Variants in CNTN4 observed in about 807,000 individuals in gnomAD.
CNTN4 encodes contactin 4, also known as contactin-4.
In CNTN4, 77 loss-of-function variants were observed where a neutral mutation model predicts 122.5. That is an observed-to-expected ratio of 0.63 (90% CI 0.52 to 0.76). The LOEUF (loss-of-function observed/expected upper bound fraction) is 0.76. Among genes scored for constraint, CNTN4 ranks in the 30% least tolerant of loss-of-function variants. The probability of loss-of-function intolerance (pLI) is 0.00; values close to 1 mark genes in which losing one functional copy is unlikely to be tolerated. For synonymous variants in CNTN4, 512 were observed against 447.0 expected (o/e 1.15, Z -1.83); for missense variants, 1,256 against 1,259.1 (o/e 1.00, Z 0.04).
intron 16 of CNTN4, 137 bp from the exon 17 acceptor site, chr3:3,034,495 C>T: frequency 1.0e-6 from 1 of 959,164 alleles, no homozygotes; most frequent in Non-Finnish European, 1.6e-6. Flanking sequence ...AGTAGGAGTT[C>T]AAAAAGGATT....
chr3:2,124,619 A>G (rs1467553921), intron 2 of CNTN4, among the ~76,000 whole-genome samples: 1 of 151,900 alleles, frequency 6.6e-6, no homozygotes, highest in African/African-American at 2.4e-5. Flanking sequence ...GACAACAACA[A>G]CAACAACATC....
intron 3 of CNTN4, among the ~76,000 whole-genome samples, chr3:2,561,216 G>C (rs908682872): frequency 1.3e-5 from 2 of 152,230 alleles, no homozygotes; most frequent in Admixed American, 1.3e-4. Flanking sequence ...GCCTGTTGCT[G>C]TCTGTATGTG....
At chr3:2,875,107 C>T (rs190081008) in intron 8 of CNTN4, among the ~76,000 whole-genome samples, 278 of 152,112 alleles carry the variant, frequency 1.8e-3, no homozygotes, top group African/African-American at 4.8e-3. Context: ...CCCAGCCTCC[C>T]GAGTAGCTGG....
intron 3 of CNTN4, among the ~76,000 whole-genome samples, chr3:2,433,189 T>C (rs1261484388): frequency 6.6e-6 from 1 of 152,170 alleles, no homozygotes; most frequent in Non-Finnish European, 1.5e-5. Context: ...ATATAGTAAT[T>C]CTATTTTTAG....
chr3:2,414,839 G>C (rs2047356631), intron 3 of CNTN4, among the ~76,000 whole-genome samples: 1 of 152,054 alleles, frequency 6.6e-6, no homozygotes, highest in African/African-American at 2.4e-5. Context: ...GAATATTTCA[G>C]ATCAATTATA....
chr3:2,474,919 T>G (rs2075796008), intron 3 of CNTN4, among the ~76,000 whole-genome samples: 1 of 152,204 alleles, frequency 6.6e-6, no homozygotes, highest in Non-Finnish European at 1.5e-5. Context: ...ATCATTTACT[T>G]AGAAACTCTC....
At chr3:2,863,566 A>G (rs2093692708) in intron 7 of CNTN4, among the ~76,000 whole-genome samples, 1 of 146,964 alleles carries the variant, frequency 6.8e-6, no homozygotes, top group Non-Finnish European at 1.5e-5. Context: ...TCTATTTAAT[A>G]TTAATGATTT....
rs183914685 is a variant in CNTN4 at position 2,540,231 on chromosome 3, G to C, written c.-88-31185G>C. On this transcript the variant is annotated intron_variant, in intron 3 of 24. Coordinates refer to ENST00000418658, the MANE Select transcript of CNTN4 (RefSeq NM_175607.3). ...CCTTTGGAAGTTTATTTCCTTTTGT[G>C]ATTAATAACAAACTTGAGGGTAGGT... is the stretch of plus-strand genomic sequence containing the variant. Among the ~76,000 whole-genome samples the C allele has an allele frequency of 2.8e-3, 424 of 152,076 alleles. 1 individual carries two copies. The highest frequency in any genetic ancestry group is 9.9e-3 in the African/African-American group (410 of 41,486).
intron 7 of CNTN4, among the ~76,000 whole-genome samples, chr3:2,850,063 C>G (rs951181142): frequency 1.3e-5 from 2 of 150,714 alleles, no homozygotes; most frequent in African/African-American, 4.9e-5. Context: ...AATCTCAGCT[C>G]ACTGCAAGCT....
At chr3:2,536,707 A>G (rs1190876831) in intron 3 of CNTN4, among the ~76,000 whole-genome samples, 4 of 151,862 alleles carry the variant, frequency 2.6e-5, no homozygotes, top group South Asian at 2.1e-4. Flanking sequence ...TACAGGCATG[A>G]GCCACAAGCC....
Position 2,797,896 on chromosome 3 carries a change from T to C in CNTN4, c.359-21590T>C, listed in dbSNP as rs530947005. Among the ~76,000 whole-genome samples the C allele has an allele frequency of 3.3e-4, 49 of 149,960 alleles. 1 individual carries two copies. Among genetic ancestry groups the C allele is most frequent in the Middle Eastern group, 3.5e-3 (1 of 288 alleles). On this transcript the variant is annotated intron_variant, in intron 6 of 24. Coordinates refer to ENST00000418658, the MANE Select transcript of CNTN4 (RefSeq NM_175607.3). Reference sequence around the variant, plus strand: ...TTTTATTTTTGTGCAGATACCTTACTACTGTTTGATGACCACACTGAGTAT... The same window carrying C: ...TTTTATTTTTGTGCAGATACCTTACCACTGTTTGATGACCACACTGAGTAT...
chr3:2,681,523 C>T (rs2085164973), intron 4 of CNTN4, among the ~76,000 whole-genome samples: 1 of 152,266 alleles, frequency 6.6e-6, no homozygotes, highest in African/African-American at 2.4e-5. Context: ...ATGCCACTCA[C>T]TGGCCTGCCT....
intron 2 of CNTN4, among the ~76,000 whole-genome samples, chr3:2,261,008 G>T (rs192173657): frequency 6.6e-6 from 1 of 152,226 alleles, no homozygotes; most frequent in East Asian, 1.9e-4. Context: ...TGTGATTACA[G>T]GTGTGAGACA....
intron 3 of CNTN4, among the ~76,000 whole-genome samples, chr3:2,522,613 G>T (rs1003376862): frequency 6.6e-6 from 1 of 152,100 alleles, no homozygotes; most frequent in African/African-American, 2.4e-5. Context: ...ATTAGGTAGT[G>T]ATGCTAGTAG....
chr3:2,522,628 A>G (rs574114523), intron 3 of CNTN4, among the ~76,000 whole-genome samples: 1 of 152,196 alleles, frequency 6.6e-6, no homozygotes, highest in Admixed American at 6.6e-5. Flanking sequence ...TAGTAGAAAA[A>G]CAGTTTGGAC....
intron 14 of CNTN4, among the ~76,000 whole-genome samples, chr3:3,022,198 T>G (rs1308820887): frequency 3.3e-5 from 5 of 152,038 alleles, no homozygotes; most frequent in Non-Finnish European, 7.4e-5. Context: ...GAGCCAAGAT[T>G]GTGCCTCTGC....
intron 3 of CNTN4, among the ~76,000 whole-genome samples, chr3:2,555,183 A>T (rs1282482126): frequency 6.6e-6 from 1 of 152,222 alleles, no homozygotes. Context: ...TTTAAATCCG[A>T]GTCAACTTCG....
chr3:2,421,676 T>C (rs2047623455), intron 3 of CNTN4, among the ~76,000 whole-genome samples: 1 of 152,194 alleles, frequency 6.6e-6, no homozygotes, highest in South Asian at 2.1e-4. Flanking sequence ...GACATATGTG[T>C]TCTCCCCAAA....
intron 4 of CNTN4, among the ~76,000 whole-genome samples, chr3:2,638,224 A>G: frequency 6.6e-6 from 1 of 152,134 alleles, no homozygotes; most frequent in Non-Finnish European, 1.5e-5. Flanking sequence ...CCCTGTGCAG[A>G]TTCTTTAAAC....
Sources: gnomAD v4.1 joint callset for allele counts (sites outside exome capture counted in the v4.1 genomes callset) on GRCh38, gnomAD v4.1.1 for gene constraint, MANE v1.5 for transcripts, NCBI Gene and HGNC (gene_info 2026-07-23, HGNC 2026-07-21) for gene names.